The following PCDHA5 variants were observed in gnomAD, a reference collection of about 807,000 sequenced individuals.
The protein encoded by PCDHA5 is protocadherin alpha 5, also known as protocadherin alpha-5.
A neutral mutation model predicts 61.6 loss-of-function variants in PCDHA5; 43 were observed. That is an observed-to-expected ratio of 0.70 (90% CI 0.55 to 0.90). PCDHA5 has a LOEUF of 0.90. Ranked by LOEUF, PCDHA5 falls within the 40% of genes least tolerant of loss-of-function variation. The pLI is 0.00. For missense variants in PCDHA5, 1,298 were observed against 1,222.7 expected, an observed-to-expected ratio of 1.06 and a Z score of -0.92; for synonymous variants, 627 against 543.9, an observed-to-expected ratio of 1.15 and a Z score of -2.13.
At chr5:140,960,763 C>A (rs1424215578) in intron 1 of PCDHA5, among the ~76,000 whole-genome samples, 1 of 151,896 alleles carries the variant, frequency 6.6e-6, no homozygotes, top group Non-Finnish European at 1.5e-5. Flanking sequence ...CCAAGAGTTA[C>A]AGAGGAGAAA....
chr5:141,000,657 A>T (rs1403117310), intron 3 of PCDHA5, among the ~76,000 whole-genome samples: 1 of 151,102 alleles, frequency 6.6e-6, no homozygotes, highest in Non-Finnish European at 1.5e-5. Flanking sequence ...CGAACTCCTG[A>T]CCTCAGGTGA....
intron 1 of PCDHA5, chr5:140,827,893 C>G: frequency 1.4e-6 from 1 of 729,632 alleles, no homozygotes; most frequent in African/African-American, 1.8e-5. Context: ...GATTTCTTAC[C>G]TTTTGGAGCC....
rs745800805 is a variant in PCDHA5, at chr5:140,935,890, T to C, written c.2353-43059T>C. 2.5e-4 allele frequency among the ~76,000 whole-genome samples: 34 copies of C among 135,750 alleles called. 1 individual carries two copies. Among genetic ancestry groups the C allele is most frequent in the Non-Finnish European group, 4.4e-4 (27 of 61,954 alleles). 89.1% of individuals were successfully genotyped at this position (135,750 alleles called of 152,430 possible). A position where few individuals can be genotyped will look rare whatever the true frequency, so the allele number is the denominator to read the frequency against. On this transcript the variant is annotated intron_variant, in intron 1 of 3. Coordinates refer to ENST00000529859, the MANE Select transcript of PCDHA5 (RefSeq NM_018908.3). ...ATTAATGAGCTCCAATTTATCAATA[T>C]TATCTTTTTTTTTTTTTTTTGAGAC...
chr5:140,988,324 C>T (rs2097292768), intron 3 of PCDHA5, among the ~76,000 whole-genome samples: 1 of 152,206 alleles, frequency 6.6e-6, no homozygotes, highest in African/African-American at 2.4e-5. Flanking sequence ...CTTTCTCTAC[C>T]CGAGGAAAGT....
At chr5:140,862,494 G>A (rs1008951764) in intron 1 of PCDHA5, 2 of 389,834 alleles carry the variant, frequency 5.1e-6, no homozygotes, top group South Asian at 2.0e-5. Context: ...GTAATCGCTC[G>A]GAATGGGGAC....
At chr5:140,894,710 G>A (rs1032103787) in intron 1 of PCDHA5, among the ~76,000 whole-genome samples, 1 of 151,116 alleles carries the variant, frequency 6.6e-6, no homozygotes, top group Non-Finnish European at 1.5e-5. Context: ...TGTTTAAGTT[G>A]TTTTCAAATA....
At position 141,001,385 on chromosome 5, in the gene PCDHA5, T is replaced by A. The variant is rs540420313; in HGVS notation, c.2501-8242T>A. 3.9e-5 allele frequency among the ~76,000 whole-genome samples: 6 copies of A among 152,316 alleles called. No homozygotes were observed. The East Asian group carries it at 1.2e-3, about 29-fold the overall frequency. ...ACTATTCTGATTACAGAGCCTAAGA[T>A]CCTACAGAGAACAGGGAGTATATTT... On this transcript the variant is annotated intron_variant, in intron 3 of 3. Transcript: ENST00000529859.
chr5:140,873,437 T>C (rs1554166716), intron 1 of PCDHA5, among the ~76,000 whole-genome samples: 1 of 152,200 alleles, frequency 6.6e-6, no homozygotes, highest in Non-Finnish European at 1.5e-5. Flanking sequence ...TTATATCACA[T>C]AAATAACAAA....
chr5:140,917,396 G>C (rs928504202), intron 1 of PCDHA5, among the ~76,000 whole-genome samples: 2 of 151,286 alleles, frequency 1.3e-5, no homozygotes, highest in East Asian at 3.9e-4. Flanking sequence ...ATGTGCAGAA[G>C]CTCTTTAGTT....
chr5:140,872,447 C>T (rs555580142), intron 1 of PCDHA5, among the ~76,000 whole-genome samples: 10 of 152,054 alleles, frequency 6.6e-5, no homozygotes, highest in African/African-American at 2.2e-4. Flanking sequence ...GACAACATAG[C>T]GAGATCCTGT....
At chr5:140,869,163 C>T in intron 1 of PCDHA5, 1 of 1,613,910 alleles carries the variant, frequency 6.2e-7, no homozygotes, top group Non-Finnish European at 8.5e-7. Flanking sequence ...GGCTTCTCCT[C>T]CTCGAATTCT....
At chr5:140,857,576 C>T in intron 1 of PCDHA5, 1 of 1,596,780 alleles carries the variant, frequency 6.3e-7, no homozygotes, top group African/African-American at 1.3e-5. Flanking sequence ...CGTGTCGGTG[C>T]ACGCGGAGAG....
At chr5:140,829,963 G>C (rs2150178705) in intron 1 of PCDHA5, 2 of 1,614,006 alleles carry the variant, frequency 1.2e-6, no homozygotes, top group South Asian at 1.1e-5. Context: ...CGTTTCGCGT[G>C]GGGCTGTACA....
intron 1 of PCDHA5, among the ~76,000 whole-genome samples, chr5:140,887,392 G>A (rs1484199271): frequency 1.3e-5 from 2 of 152,024 alleles, no homozygotes; most frequent in African/African-American, 2.4e-5. Context: ...CACCGCGCCC[G>A]GCTCTTTATC....
chr5:140,952,767 A>T (rs912245909), intron 1 of PCDHA5, among the ~76,000 whole-genome samples: 13 of 152,298 alleles, frequency 8.5e-5, no homozygotes, highest in African/African-American at 2.9e-4. Flanking sequence ...GAGACTGGAT[A>T]ATTTAGAAAG....
intron 1 of PCDHA5, chr5:140,871,239 C>G: frequency 6.2e-7 from 1 of 1,613,976 alleles, no homozygotes; most frequent in Non-Finnish European, 8.5e-7. Context: ...TCCTGGTACT[C>G]ACGCTGCTGC....
At chr5:140,984,227 T>C (rs571404372) in intron 3 of PCDHA5, among the ~76,000 whole-genome samples, 1 of 152,336 alleles carries the variant, frequency 6.6e-6, no homozygotes, top group Admixed American at 6.5e-5. Context: ...CTTGCTCTTA[T>C]GGAGGCATTG....
At position 140,823,653 on chromosome 5, in the gene PCDHA5, C is replaced by T. The variant is rs2150127949; in HGVS notation, c.1878C>T (p.Tyr626=). 1.9e-6 allele frequency: 3 copies of T among 1,614,026 alleles called. No homozygotes were observed. The Admixed American group carries it at 5.0e-5, about 27-fold the overall frequency. The change falls in exon 1 of 4, where the codon TAC becomes TAT. Residue 626 remains tyrosine, a synonymous_variant. Transcript: ENST00000529859. ...GCATCCCGTTCCGCGTGGGGCTGTA[C>T]ACAGGCGAGATCAGCACAACACGCT... ...SARIPFRVGL[Y]TGEISTTRSL... is the part of the protein sequence containing the mutation.
intron 1 of PCDHA5, chr5:140,862,777 C>A: frequency 1.7e-6 from 1 of 577,324 alleles, no homozygotes. Context: ...CGCGTTGCAG[C>A]CACTGGACTA....
Sources: gnomAD v4.1 joint callset for allele counts (sites outside exome capture counted in the v4.1 genomes callset) on GRCh38, gnomAD v4.1.1 for gene constraint, MANE v1.5 for transcripts, NCBI Gene and HGNC (gene_info 2026-07-23, HGNC 2026-07-21) for gene names.